NKAIN3: variants seen among roughly 807,000 people sequenced by gnomAD.
NKAIN3 encodes the protein sodium/potassium transporting ATPase interacting 3, also known as sodium/potassium-transporting ATPase subunit beta-1-interacting protein 3.
In NKAIN3, 25 loss-of-function variants were observed where a neutral mutation model predicts 30.2. The ratio of observed to expected loss-of-function variants is 0.83; its 90% CI spans 0.60 to 1.16. NKAIN3 has a LOEUF of 1.16. NKAIN3 is among the 50% of genes most tolerant of loss of function. The pLI is 0.00. For synonymous variants in NKAIN3, 91 were observed against 89.6 expected, an observed-to-expected ratio of 1.02 and a Z score of -0.09; for missense variants, 225 against 254.1, an observed-to-expected ratio of 0.89 and a Z score of 0.78.
intron 1 of NKAIN3, among the ~76,000 whole-genome samples, chr8:62,306,893 G>A (rs1197549096): frequency 2.0e-5 from 3 of 149,960 alleles, no homozygotes; most frequent in African/African-American, 7.6e-5. Flanking sequence ...GACACCCACT[G>A]CAGATGTGTC....
intron 4 of NKAIN3, among the ~76,000 whole-genome samples, chr8:62,908,752 C>T (rs1391129400): frequency 6.6e-6 from 1 of 152,180 alleles, no homozygotes; most frequent in Non-Finnish European, 1.5e-5. Flanking sequence ...TCCATTAAAC[C>T]TCTTTCCTTT....
chr8:62,338,420 G>T (rs1356331442), intron 1 of NKAIN3, among the ~76,000 whole-genome samples: 1 of 151,894 alleles, frequency 6.6e-6, no homozygotes, highest in Non-Finnish European at 1.5e-5. Flanking sequence ...TTCCATTATG[G>T]AACTTATGTT....
chr8:62,253,775 G>A (rs976791961), intron 1 of NKAIN3, among the ~76,000 whole-genome samples: 7 of 152,172 alleles, frequency 4.6e-5, no homozygotes, highest in Non-Finnish European at 1.0e-4. Flanking sequence ...TGGTGTAGCT[G>A]TGGTAACATG....
intron 1 of NKAIN3, among the ~76,000 whole-genome samples, chr8:62,540,754 A>C (rs1434041291): frequency 1.3e-5 from 2 of 151,906 alleles, no homozygotes; most frequent in African/African-American, 2.4e-5. Flanking sequence ...TTTAATAAAT[A>C]ATCTCCTATT....
intron 3 of NKAIN3, among the ~76,000 whole-genome samples, chr8:62,649,673 T>C (rs16929361): frequency 0.11 from 16,106 of 152,150 alleles, 1,051 homozygotes; most frequent in East Asian, 0.32. Context: ...TCTTCTTTCT[T>C]CAACTCTTAA....
At chr8:62,378,210 T>C (rs1817155622) in intron 1 of NKAIN3, among the ~76,000 whole-genome samples, 1 of 152,214 alleles carries the variant, frequency 6.6e-6, no homozygotes, top group Non-Finnish European at 1.5e-5. Context: ...GCCTCTGCCC[T>C]AGAGCTCTGT....
At chr8:62,440,615 AC>A (rs1365939217) in intron 1 of NKAIN3, among the ~76,000 whole-genome samples, 2 of 151,990 alleles carry the variant, frequency 1.3e-5, no homozygotes, top group Non-Finnish European at 2.9e-5. Context: ...AGTTTTTGTT[AC>A]CAAAAAACCC....
chr8:62,813,295 G>C (rs969059293), intron 4 of NKAIN3, among the ~76,000 whole-genome samples: 1 of 151,902 alleles, frequency 6.6e-6, no homozygotes, highest in Non-Finnish European at 1.5e-5. Context: ...CTGCAACATT[G>C]TCCTGGCACT....
chr8:62,466,702 T>A (rs1806175479), intron 1 of NKAIN3, among the ~76,000 whole-genome samples: 1 of 152,208 alleles, frequency 6.6e-6, no homozygotes, highest in Non-Finnish European at 1.5e-5. Flanking sequence ...CCATAGCACA[T>A]GGTACAAAGA....
intron 3 of NKAIN3, among the ~76,000 whole-genome samples, chr8:62,635,242 A>G (rs1412341057): frequency 1.3e-5 from 2 of 152,206 alleles, no homozygotes; most frequent in Non-Finnish European, 1.5e-5. Context: ...ATGCCTTGCT[A>G]CATGAGATAG....
At chr8:62,323,355 G>A (rs115732009) in intron 1 of NKAIN3, among the ~76,000 whole-genome samples, 2,987 of 152,240 alleles carry the variant, frequency 0.02, 95 homozygotes, top group African/African-American at 0.066. Context: ...GATTATGCAC[G>A]CCATAGTTAA....
At chr8:62,617,413 A>T (rs754047362) in intron 3 of NKAIN3, among the ~76,000 whole-genome samples, 1 of 152,210 alleles carries the variant, frequency 6.6e-6, no homozygotes, top group Non-Finnish European at 1.5e-5. Context: ...ACCCATTGAG[A>T]AAAGAGCTCT....
At chr8:62,407,287 GTATA>G (rs370029388) in intron 1 of NKAIN3, among the ~76,000 whole-genome samples, 1 of 148,430 alleles carries the variant, frequency 6.7e-6, no homozygotes, top group Non-Finnish European at 1.5e-5. Flanking sequence ...GTATATGTGT[GTATA>G]TATATATATA....
At position 62,984,295 on chromosome 8, in the gene NKAIN3, A is replaced by G. The variant is rs1304132334; in HGVS notation, c.*18888A>G. 1.3e-5 allele frequency: 2 copies of G among 152,226 alleles called. No individual in the cohort carries two copies. Among genetic ancestry groups the G allele is most frequent in the Non-Finnish European group, 2.9e-5 (2 of 68,038 alleles). The allele number at this position is 152,226 out of a possible 1,614,324, so 9.4% of individuals were successfully genotyped here. ...GCATTTCATTATATTTCAAAGGCACAGGTTGCTGGTAAGAGGGACAGAAAG... is the reference window on the plus strand; with the variant it reads ...GCATTTCATTATATTTCAAAGGCACGGGTTGCTGGTAAGAGGGACAGAAAG... On this transcript the variant is annotated 3_prime_UTR_variant, in exon 7 of 7. Coordinates refer to ENST00000623646, the MANE Select transcript of NKAIN3 (RefSeq NM_001304533.3).
chr8:62,842,997 T>A (rs12548973), intron 4 of NKAIN3, among the ~76,000 whole-genome samples: 11,073 of 151,950 alleles, frequency 0.073, 712 homozygotes, highest in East Asian at 0.27. Context: ...AATAGACAAA[T>A]GGGATTGCAT....
intron 1 of NKAIN3, among the ~76,000 whole-genome samples, chr8:62,263,246 C>T (rs983285639): frequency 1.3e-5 from 2 of 152,028 alleles, no homozygotes; most frequent in African/African-American, 4.8e-5. Context: ...AATTTTCATT[C>T]TACCAAATAG....
rs570663904 is a variant in NKAIN3 at position 62,903,621 on chromosome 8, T to C, written c.472-14832T>C. Among the ~76,000 whole-genome samples the C allele has an allele frequency of 1.5e-3, 231 of 152,118 alleles. 1 individual carries two copies. Among genetic ancestry groups the C allele is most frequent in the African/African-American group, 4.8e-3 (201 of 41,494 alleles). On this transcript the variant is annotated intron_variant, in intron 4 of 6. Coordinates refer to ENST00000623646, the MANE Select transcript of NKAIN3 (RefSeq NM_001304533.3). ...TGCTGCCTCTTCTTCAGTCTCAGAG[T>C]TTCTTGATAAGCCCTCTAGAATAAG...
At chr8:62,856,421 C>G (rs1240303585) in intron 4 of NKAIN3, 9 of 793,742 alleles carry the variant, frequency 1.1e-5, no homozygotes, top group Non-Finnish European at 1.8e-5. Context: ...TCCTCATCCT[C>G]TGCTATGCTG....
At chr8:62,903,531 G>A (rs1272599063) in intron 4 of NKAIN3, among the ~76,000 whole-genome samples, 1 of 152,038 alleles carries the variant, frequency 6.6e-6, no homozygotes, top group Non-Finnish European at 1.5e-5. Flanking sequence ...GCACTAAAAG[G>A]CCCTCTCGGG....
Sources: gnomAD v4.1 joint callset for allele counts (sites outside exome capture counted in the v4.1 genomes callset) on GRCh38, gnomAD v4.1.1 for gene constraint, MANE v1.5 for transcripts, NCBI Gene and HGNC (gene_info 2026-07-23, HGNC 2026-07-21) for gene names.